The following COL18A1 variants were observed in gnomAD, a reference collection of about 807,000 sequenced individuals.
COL18A1 encodes the protein collagen alpha-1(XVIII) chain.
A neutral mutation model predicts 168.0 loss-of-function variants in COL18A1; 133 were observed. That is an observed-to-expected ratio of 0.79 (90% CI 0.69 to 0.91). The LOEUF (loss-of-function observed/expected upper bound fraction) is 0.91. Among genes scored for constraint, COL18A1 ranks in the 40% least tolerant of loss-of-function variants. The pLI, the probability that COL18A1 is intolerant of heterozygous loss-of-function variation, is 0.00. For synonymous variants in COL18A1, 949 were observed against 809.0 expected (o/e 1.17, Z -2.94); for missense variants, 2,126 against 1,925.4 (o/e 1.10, Z -1.95).
Position 45,509,612 on chromosome 21 carries a change from C to A in COL18A1, c.3495+11C>A. 1 of 1,415,506 alleles carries A rather than the reference C, an allele frequency of 7.1e-7. No homozygotes were observed. Among genetic ancestry groups the A allele is most frequent in the Non-Finnish European group, 9.6e-7 (1 of 1,036,654 alleles). The allele number at this position is 1,415,506 out of a possible 1,614,324, so 87.7% of individuals were successfully genotyped here. ...GACTTCCAGCCGGTGGTGAGTGCCCCCCCAAAGTGGGCTTGGCTCCATCTA... is the reference window on the plus strand; with the variant it reads ...GACTTCCAGCCGGTGGTGAGTGCCCACCCAAAGTGGGCTTGGCTCCATCTA... On this transcript the variant is annotated intron_variant, in intron 39 of 41. Coordinates refer to ENST00000651438, the MANE Select transcript of COL18A1 (RefSeq NM_001379500.1).
chr21:45,491,022 A>G, intron 21 of COL18A1, 151 bp downstream of exon 21: 1 of 898,022 alleles, frequency 1.1e-6, no homozygotes, highest in Non-Finnish European at 1.8e-6. Context: ...GGTGGCTTTC[A>G]GGCTGGGGGC....
chr21:45,479,132 GTGTA>G (rs1043532649), intron 9 of COL18A1, among the ~76,000 whole-genome samples: 20 of 146,050 alleles, frequency 1.4e-4, no homozygotes, highest in Admixed American at 4.2e-4. Flanking sequence ...ACACACACGT[GTGTA>G]TGTATGTGCA....
At position 45,492,552 on chromosome 21, in the gene COL18A1, G is replaced by A; in HGVS notation, c.2175G>A (p.Val725=). The change falls in exon 23 of 42, where the codon GTG becomes GTA. Residue 725 remains valine, a synonymous_variant. Coordinates refer to ENST00000651438, the MANE Select transcript of COL18A1 (RefSeq NM_001379500.1). ...VSEQDGSVLS[V]PGPEGRPGFA... ...GTGGACAGGGATCCGTCCTGAGCGT[G>A]CCGGGACCTGAGGTATGTGCCTGCC... The A allele has an allele frequency of 6.2e-7, 1 of 1,613,302 alleles. No homozygotes were observed. The highest frequency in any genetic ancestry group is 2.2e-5 in the East Asian group (1 of 44,884).
chr21:45,493,757 C>T (rs1309100349), intron 26 of COL18A1, 182 bp downstream of exon 26: 10 of 604,028 alleles, frequency 1.7e-5, no homozygotes, highest in African/African-American at 9.3e-5. Context: ...GCGGTTCCGC[C>T]GGCCCCTCGT....
In COL18A1 at chr21:45,512,558, C is replaced by A; in HGVS notation, c.*160C>A. ...TAATCCTCAAGAAATAAAAGGAAGC[C>A]AAAGAGTGTATTTTTTTAAAAGTTT... is the stretch of plus-strand genomic sequence containing the variant. On this transcript the variant is annotated 3_prime_UTR_variant, in exon 42 of 42. Coordinates refer to ENST00000651438, the MANE Select transcript of COL18A1 (RefSeq NM_001379500.1). The A allele has an allele frequency of 2.9e-6, 2 of 693,190 alleles. No individual in the cohort carries two copies. Among genetic ancestry groups the A allele is most frequent in the Non-Finnish European group, 4.8e-6 (2 of 412,834 alleles). The allele number at this position is 693,190 out of a possible 1,614,324, so 42.9% of individuals were successfully genotyped here. A position where few individuals can be genotyped will look rare whatever the true frequency, so the allele number is the denominator to read the frequency against.
At chr21:45,462,319 C>T (rs78852945) in intron 2 of COL18A1, among the ~76,000 whole-genome samples, 4,269 of 152,224 alleles carry the variant, frequency 0.028, 204 homozygotes, top group African/African-American at 0.097. Context: ...ATTTGAGAAG[C>T]TTTCAGCCAT....
Position 45,480,138 on chromosome 21 carries a change from C to T in COL18A1, c.1380C>T (p.Ser460=). Residue 460 remains serine (S), a synonymous_variant, in exon 11 of 42, where the codon TCC becomes TCT. Transcript: ENST00000651438. The part of the protein sequence containing the change: ...PQGPPGPPGP[S]FRHDKLTFID... ...GGCCTCCAGGGCCCCCAGGACCCTC[C>T]TTCAGACACGACAAGCTGGTAAGTC... 6.3e-7 allele frequency: 1 copy of T among 1,588,866 alleles called. No homozygotes were observed. The highest frequency in any genetic ancestry group is 8.6e-7 in the Non-Finnish European group (1 of 1,157,922).
At chr21:45,497,292 G>C (rs1023581156) in intron 31 of COL18A1, among the ~76,000 whole-genome samples, 200 bp downstream of exon 31, 3 of 152,236 alleles carry the variant, frequency 2.0e-5, no homozygotes, top group African/African-American at 7.2e-5. Flanking sequence ...ACCTGACCTT[G>C]GGGTGGCCCC....
Position 45,427,415 on chromosome 21 carries a change from C to G in COL18A1, c.106+21942C>G, listed in dbSNP as rs113623309. Among the ~76,000 whole-genome samples, 687 of 152,320 alleles carry G rather than the reference C, an allele frequency of 4.5e-3. 5 individuals carry two copies. Among genetic ancestry groups the G allele is most frequent in the African/African-American group, 0.016 (653 of 41,574 alleles). Reference sequence around the variant, plus strand: ...CCCTGAGGCTTCTGGCTCCCCTGGCCCACCAGCCTCCCATGTCTGCCTCAG... The same window carrying G: ...CCCTGAGGCTTCTGGCTCCCCTGGCGCACCAGCCTCCCATGTCTGCCTCAG... On this transcript the variant is annotated intron_variant, in intron 2 of 41. Transcript: ENST00000651438.
intron 2 of COL18A1, among the ~76,000 whole-genome samples, chr21:45,415,612 C>CG (rs2033421175): frequency 6.6e-6 from 1 of 152,208 alleles, no homozygotes; most frequent in South Asian, 2.1e-4. Flanking sequence ...GGCAGGCGGC[C>CG]GGGGCAGGCC....
chr21:45,503,213 T>C (rs1238525855), intron 32 of COL18A1, among the ~76,000 whole-genome samples: 11 of 152,344 alleles, frequency 7.2e-5, no homozygotes, highest in East Asian at 3.9e-4. Flanking sequence ...CCTATTTCTC[T>C]ACATCCTCTC....
Position 45,495,309 on chromosome 21 carries a change from T to C in COL18A1, c.2434-49T>C, listed in dbSNP as rs772428171. 60 of 1,491,940 alleles carry C rather than the reference T, an allele frequency of 4.0e-5. 1 individual carries two copies. In the Admixed American group the frequency reaches 5.0e-4, roughly 13 times the overall value. The allele number at this position is 1,491,940 out of a possible 1,614,324, so 92.4% of individuals were successfully genotyped here. A position where few individuals can be genotyped will look rare whatever the true frequency, so the allele number is the denominator to read the frequency against. ...GGCAGGCACCCTGCGGGAAGGTGTC[T>C]GGTAATCATCAGTGCCCAGCAGTCC... On this transcript the variant is annotated intron_variant, in intron 28 of 41. Coordinates refer to ENST00000651438, the MANE Select transcript of COL18A1 (RefSeq NM_001379500.1).
rs560398335 is a variant in COL18A1, at chr21:45,478,657, G to A, written c.1248+304G>A. On this transcript the variant is annotated intron_variant, in intron 9 of 41. Transcript: ENST00000651438. ...ACAGCAAAGAAAAAGGAAGTCGGGCGGGGCAGGGGGTGGTGCAAGTCGGCG... is the reference window on the plus strand; with the variant it reads ...ACAGCAAAGAAAAAGGAAGTCGGGCAGGGCAGGGGGTGGTGCAAGTCGGCG... 1.1e-3 allele frequency among the ~76,000 whole-genome samples: 161 copies of A among 152,208 alleles called. 1 individual carries two copies. The highest frequency in any genetic ancestry group is 3.8e-3 in the African/African-American group (156 of 41,524).
chr21:45,452,426 T>C (rs923513623), intron 2 of COL18A1, among the ~76,000 whole-genome samples: 1 of 151,846 alleles, frequency 6.6e-6, no homozygotes, highest in African/African-American at 2.4e-5. Flanking sequence ...ATATGTGAGC[T>C]TGTGTATGCA....
chr21:45,454,612 A>C (rs750120266), intron 2 of COL18A1, among the ~76,000 whole-genome samples: 1 of 152,170 alleles, frequency 6.6e-6, no homozygotes, highest in African/African-American at 2.4e-5. Context: ...CTCATGCCTC[A>C]GTTTTCTTCA....
rs144913625 is a variant in COL18A1, at chr21:45,490,827, T to A, written c.2032-9T>A. 1,067 of 1,549,926 alleles carry A rather than the reference T, an allele frequency of 6.9e-4. 3 individuals carry two copies. In the African/African-American group the frequency reaches 0.013, roughly 18 times the overall value. ...TTGGTGATGAACCATTTCCTTCCTGTCTCTCCAGGGGCCAAAGGGAGACAG... is the reference window on the plus strand; with the variant it reads ...TTGGTGATGAACCATTTCCTTCCTGACTCTCCAGGGGCCAAAGGGAGACAG... On this transcript the variant is annotated splice_polypyrimidine_tract_variant and intron_variant, in intron 20 of 41. Transcript: ENST00000651438.
At chr21:45,501,735 G>GCA (rs2036848472) in intron 32 of COL18A1, among the ~76,000 whole-genome samples, 1 of 126,106 alleles carries the variant, frequency 7.9e-6, no homozygotes, top group Non-Finnish European at 1.8e-5. Context: ...AGGACCCCCA[G>GCA]GGGCTCCACA....
In COL18A1 at chr21:45,423,483, G is replaced by A. The variant is rs940021443; in HGVS notation, c.106+18010G>A. On this transcript the variant is annotated intron_variant, in intron 2 of 41. Transcript: ENST00000651438. This position sits in a 1 kb window ranked among gnomAD's most constrained non-coding sequence, Gnocchi z 4.0. Reference sequence around the variant, plus strand: ...AAGCTGTGTCCACACACAGCTGGGCGCCCGCCCCCCGCCCCCCGCCCCCCG... The same window carrying A: ...AAGCTGTGTCCACACACAGCTGGGCACCCGCCCCCCGCCCCCCGCCCCCCG... 3.3e-5 allele frequency among the ~76,000 whole-genome samples: 5 copies of A among 150,098 alleles called. No homozygotes were observed. The highest frequency in any genetic ancestry group is 7.3e-5 in the African/African-American group (3 of 40,946).
At chr21:45,467,203 G>A (rs2145886535) in intron 2 of COL18A1, 2 of 981,862 alleles carry the variant, frequency 2.0e-6, no homozygotes, top group Non-Finnish European at 2.4e-6. Flanking sequence ...CCCCTCCCGT[G>A]GGCAGGAAAC....
Sources: gnomAD v4.1 joint callset for allele counts (sites outside exome capture counted in the v4.1 genomes callset) on GRCh38, gnomAD v4.1.1 for gene constraint, Gnocchi (gnomAD v3.1) non-coding constraint, MANE v1.5 for transcripts, NCBI Gene and HGNC (gene_info 2026-07-23, HGNC 2026-07-21) for gene names.